GHITM: variants seen among roughly 807,000 people sequenced by gnomAD.
The protein encoded by GHITM is growth hormone-inducible transmembrane protein.
In GHITM, 24 loss-of-function variants were observed where a neutral mutation model predicts 38.7. That is an observed-to-expected ratio of 0.62 (90% CI 0.45 to 0.87). The LOEUF (loss-of-function observed/expected upper bound fraction) is 0.87. Among genes scored for constraint, GHITM ranks in the 40% least tolerant of loss-of-function variants. The probability of loss-of-function intolerance (pLI) is 0.00; values close to 1 mark genes in which losing one functional copy is unlikely to be tolerated. For missense variants in GHITM, 420 were observed against 429.8 expected (o/e 0.98, Z 0.20); for synonymous variants, 154 against 147.8 (o/e 1.04, Z -0.30).
At chr10:84,144,678 G>A (rs904933099) in intron 4 of GHITM, among the ~76,000 whole-genome samples, 197 bp from the exon 5 acceptor site, 1 of 152,090 alleles carries the variant, frequency 6.6e-6, no homozygotes, top group African/African-American at 2.4e-5. Flanking sequence ...TTTTATATGT[G>A]CTTGTATGTT....
intron 8 of GHITM, 67 bp downstream of exon 8, chr10:84,150,947 G>T: frequency 8.4e-7 from 1 of 1,192,300 alleles, no homozygotes; most frequent in Non-Finnish European, 1.2e-6. Context: ...TATTTGACCT[G>T]TTTTGGTTTA....
intron 7 of GHITM, 94 bp downstream of exon 7, chr10:84,150,337 A>G: frequency 9.5e-7 from 1 of 1,050,186 alleles, no homozygotes; most frequent in South Asian, 2.1e-5. Context: ...CATTTATTTT[A>G]AAAGTTTTTT....
chr10:84,144,098 A>G lies in GHITM; in HGVS notation c.333A>G (p.Glu111=). ...TGTCTAATGAGATTGGAGCTATTGA[A>G]AAGGCTGTGTAAGTAAATTGTTTTA... ...LGLSNEIGAI[E]KAVIWPQYVK... The change falls in exon 4 of 9, where the codon GAA becomes GAG. Residue 111 remains glutamate (E), a synonymous_variant. Coordinates refer to ENST00000372134, the MANE Select transcript of GHITM (RefSeq NM_014394.3). The G allele has an allele frequency of 6.2e-7, 1 of 1,602,896 alleles. No individual in the cohort carries two copies. The highest frequency in any genetic ancestry group is 8.5e-7 in the Non-Finnish European group (1 of 1,169,748).
rs1047469600 is a variant in GHITM at position 84,141,474 on chromosome 10, G to C, written c.-27G>C. 1.9e-6 allele frequency: 3 copies of C among 1,610,700 alleles called. No individual in the cohort carries two copies. In the Admixed American group the frequency reaches 5.0e-5, roughly 27 times the overall value. ...TTTTTTAAACTAGCATTTCAGATCT[G>C]CTCGGTAGACCTGGTGCACCACCAC... On this transcript the variant is annotated 5_prime_UTR_variant, in exon 2 of 9. Coordinates refer to ENST00000372134, the MANE Select transcript of GHITM (RefSeq NM_014394.3).
chr10:84,148,670 T>G (rs1264824996), intron 5 of GHITM, 60 bp from the exon 6 acceptor site: 1 of 972,744 alleles, frequency 1.0e-6, no homozygotes, highest in East Asian at 2.4e-5. Context: ...TTCAAACCTG[T>G]GGGTTTCTGC....
At chr10:84,145,114 A>G in intron 5 of GHITM, 98 bp downstream of exon 5, 1 of 867,296 alleles carries the variant, frequency 1.2e-6, no homozygotes, top group Non-Finnish European at 1.7e-6. Flanking sequence ...AGAATACTGT[A>G]TTGAACAAGT....
intron 8 of GHITM, among the ~76,000 whole-genome samples, chr10:84,151,861 A>G (rs912403555): frequency 6.6e-6 from 1 of 152,104 alleles, no homozygotes; most frequent in Non-Finnish European, 1.5e-5. Context: ...AAGCTTACAG[A>G]TTTGTAGAAG....
chr10:84,148,901 C>T, intron 6 of GHITM, 63 bp downstream of exon 6: 2 of 927,016 alleles, frequency 2.2e-6, no homozygotes, highest in Admixed American at 1.8e-5. Context: ...GGTGGCTCTT[C>T]ACAGTTGTAA....
At position 84,141,602 on chromosome 10, in the gene GHITM, G is replaced by A. The variant is rs762815824; in HGVS notation, c.102G>A (p.Lys34=). 1.5e-5 allele frequency: 25 copies of A among 1,613,754 alleles called. No individual in the cohort carries two copies. The East Asian group carries it at 4.7e-4, about 30-fold the overall frequency. ...ASPVVKNSIT[K]NQWLLTPSRE... The stretch of plus-strand genomic sequence containing the variant: ...CTGTTGTGAAGAATTCCATCACGAA[G>A]AATCAATGGCTGTTAACACCTAGCA... Residue 34 remains lysine, a synonymous_variant, in exon 2 of 9, where the codon AAG becomes AAA. Transcript: ENST00000372134.
intron 5 of GHITM, among the ~76,000 whole-genome samples, 177 bp from the exon 6 acceptor site, chr10:84,148,553 C>G (rs772651654): frequency 7.9e-5 from 12 of 152,230 alleles, no homozygotes; most frequent in Non-Finnish European, 1.2e-4. Flanking sequence ...GCCCCAGCCT[C>G]CCAAAGTGCT....
chr10:84,143,763 G>A (rs1304897312), intron 3 of GHITM, among the ~76,000 whole-genome samples: 1 of 152,150 alleles, frequency 6.6e-6, no homozygotes, highest in East Asian at 1.9e-4. Context: ...TTGGAGGGAG[G>A]TTGAAGATTC....
At chr10:84,141,678 C>G (rs1841508553) in intron 2 of GHITM, 49 bp downstream of exon 2, 1 of 1,598,728 alleles carries the variant, frequency 6.3e-7, no homozygotes, top group South Asian at 1.1e-5. Context: ...CCATTTGTGC[C>G]CTTTCTTTTT....
intron 1 of GHITM, 90 bp from the exon 2 acceptor site, chr10:84,141,372 A>G: frequency 1.4e-6 from 1 of 699,558 alleles, no homozygotes. Context: ...TTGTTCCTTG[A>G]CTCTGACTCT....
chr10:84,148,290 TA>T (rs1430154906), intron 5 of GHITM, among the ~76,000 whole-genome samples: 13 of 147,614 alleles, frequency 8.8e-5, no homozygotes, highest in African/African-American at 3.5e-4. Context: ...TTTTATTTTT[TA>T]TTTTTTATTT....
At chr10:84,145,298 A>G (rs1841546903) in intron 5 of GHITM, among the ~76,000 whole-genome samples, 1 of 152,198 alleles carries the variant, frequency 6.6e-6, no homozygotes. Flanking sequence ...ATGAAGTGTA[A>G]TGATAAATAG....
chr10:84,149,263 A>T (rs1366210056), intron 6 of GHITM, among the ~76,000 whole-genome samples: 1 of 152,170 alleles, frequency 6.6e-6, no homozygotes, highest in Non-Finnish European at 1.5e-5. Context: ...TCTGTGTAGA[A>T]ATTTCACCCA....
rs964972526 is a variant in GHITM at position 84,152,595 on chromosome 10, T to C, written c.*247T>C. 1.9e-5 allele frequency: 7 copies of C among 359,950 alleles called. No homozygotes were observed. The highest frequency in any genetic ancestry group is 1.3e-4 in the African/African-American group (6 of 47,604). 22.3% of individuals were successfully genotyped at this position (359,950 alleles called of 1,614,324 possible). ...TCATGTTTGAGTGATTTTAAAATGTTTTGGTGAATGTGAAAACTAAAGTTT... is the reference window on the plus strand; with the variant it reads ...TCATGTTTGAGTGATTTTAAAATGTCTTGGTGAATGTGAAAACTAAAGTTT... On this transcript the variant is annotated 3_prime_UTR_variant, in exon 9 of 9. Coordinates refer to ENST00000372134, the MANE Select transcript of GHITM (RefSeq NM_014394.3).
At chr10:84,145,312 G>A (rs149296285) in intron 5 of GHITM, among the ~76,000 whole-genome samples, 19 of 152,290 alleles carry the variant, frequency 1.2e-4, no homozygotes, top group African/African-American at 4.3e-4. Context: ...TAAATAGTCC[G>A]AAATCTGAAG....
chr10:84,150,230 T>A lies in GHITM; in HGVS notation c.768T>A (p.Phe256Leu). The stretch of plus-strand genomic sequence containing the variant: ...TGGGAGTGGGCCTGGGTCTCGTCTT[T>A]GTGTCCTCATTGGGTAAGCTGCTGT... ...APLGVGLGLVFVSSLGSMFLP... is the reference protein window; with the variant it reads ...APLGVGLGLVLVSSLGSMFLP... The change falls in exon 7 of 9, where the codon TTT becomes TTA. Residue 256 changes from phenylalanine to leucine, a missense_variant. Phe to Leu is a conservative substitution (Grantham distance 22). Transcript: ENST00000372134. 1 of 1,606,500 alleles carries A rather than the reference T, an allele frequency of 6.2e-7. No homozygotes were observed. Among genetic ancestry groups the A allele is most frequent in the Non-Finnish European group, 8.5e-7 (1 of 1,175,978 alleles).
Sources: allele counts gnomAD v4.1 joint callset (sites outside exome capture counted in the v4.1 genomes callset), GRCh38; gene constraint gnomAD v4.1.1; transcripts MANE v1.5; gene names NCBI Gene and HGNC (gene_info 2026-07-23, HGNC 2026-07-21).